The following CPED1 variants were observed in gnomAD, a reference collection of about 807,000 sequenced individuals.
The protein encoded by CPED1 is cadherin-like and PC-esterase domain-containing protein 1.
CPED1 carries 114 observed loss-of-function variants against 128.2 expected under a neutral mutation model. That is an observed-to-expected ratio of 0.89 (90% CI 0.76 to 1.04). The LOEUF is 1.04. Ranked by LOEUF, CPED1 falls within the 50% of genes least tolerant of loss-of-function variation. The pLI, the probability that CPED1 is intolerant of heterozygous loss-of-function variation, is 0.00. For missense variants in CPED1, 1,211 were observed against 1,207.1 expected (o/e 1.00, Z -0.05); for synonymous variants, 462 against 426.7 (o/e 1.08, Z -1.02).
intron 16 of CPED1, among the ~76,000 whole-genome samples, chr7:121,216,056 G>T (rs1257307192): frequency 1.3e-5 from 2 of 151,884 alleles, no homozygotes; most frequent in Non-Finnish European, 2.9e-5. Context: ...CTCAGATTTG[G>T]GCCGTGTATC....
intron 16 of CPED1, among the ~76,000 whole-genome samples, chr7:121,195,422 A>G (rs1451676878): frequency 6.6e-6 from 1 of 152,190 alleles, no homozygotes; most frequent in Admixed American, 6.5e-5. Context: ...TTACAGATAC[A>G]TCACATAATG....
chr7:121,073,421 C>T lies in CPED1; in HGVS notation c.616+9108C>T, dbSNP rs2116098729. Among the ~76,000 whole-genome samples, 4 of 152,226 alleles carry T rather than the reference C, an allele frequency of 2.6e-5. 1 individual carries two copies. In the South Asian group the frequency reaches 8.3e-4, roughly 32 times the overall value. On this transcript the variant is annotated intron_variant, in intron 5 of 22. Coordinates refer to ENST00000310396, the MANE Select transcript of CPED1 (RefSeq NM_024913.5). Reference sequence around the variant, plus strand: ...GGAAAAGGAGGCAGAGGCAGGCATACTCAGTGAAGCTTTACAAAGTATATC... The same window carrying T: ...GGAAAAGGAGGCAGAGGCAGGCATATTCAGTGAAGCTTTACAAAGTATATC...
intron 16 of CPED1, among the ~76,000 whole-genome samples, chr7:121,202,458 A>G (rs1359927340): frequency 2.0e-5 from 3 of 152,158 alleles, no homozygotes; most frequent in Non-Finnish European, 2.9e-5. Flanking sequence ...AGCCATGGGC[A>G]TCTTTTGGAG....
chr7:121,064,764 A>G (rs748252338), intron 5 of CPED1, among the ~76,000 whole-genome samples: 10 of 152,202 alleles, frequency 6.6e-5, no homozygotes, highest in Non-Finnish European at 1.2e-4. Flanking sequence ...CTGAATGAAT[A>G]AATTCTGCAT....
rs116717535 is a variant in CPED1, at chr7:121,041,972, G to C, written c.434-4915G>C. On this transcript the variant is annotated intron_variant, in intron 3 of 22. Coordinates refer to ENST00000310396, the MANE Select transcript of CPED1 (RefSeq NM_024913.5). ...AGCTTTGCTTCCATGTGTTTGGGAG[G>C]TGCCTGTAGGTTTTTCACATTCTGA... Among the ~76,000 whole-genome samples the C allele has an allele frequency of 4.6e-3, 699 of 152,158 alleles. 8 individuals are homozygous for C. The highest frequency in any genetic ancestry group is 0.016 in the African/African-American group (673 of 41,520).
chr7:121,009,112 T>C (rs927780758), intron 2 of CPED1, among the ~76,000 whole-genome samples: 2 of 152,160 alleles, frequency 1.3e-5, no homozygotes, highest in Admixed American at 6.5e-5. Flanking sequence ...TGTCTGATTT[T>C]CTTGGTGGGC....
chr7:121,180,721 A>G (rs1187011103), intron 16 of CPED1, among the ~76,000 whole-genome samples: 2 of 152,068 alleles, frequency 1.3e-5, no homozygotes, highest in Non-Finnish European at 2.9e-5. Context: ...ACCCTTTATG[A>G]CAGGAACAGA....
At chr7:121,290,201 C>A (rs546246163) in intron 22 of CPED1, among the ~76,000 whole-genome samples, 4 of 152,324 alleles carry the variant, frequency 2.6e-5, no homozygotes, top group African/African-American at 9.6e-5. Context: ...CTCATCCAGT[C>A]TAACATTGAT....
intron 7 of CPED1, among the ~76,000 whole-genome samples, chr7:121,112,470 A>G (rs1369689654): frequency 5.8e-5 from 3 of 51,296 alleles, no homozygotes; most frequent in African/African-American, 2.1e-4. Flanking sequence ...CCCACAAGCC[A>G]AGGAATGCCA....
intron 21 of CPED1, among the ~76,000 whole-genome samples, chr7:121,269,801 C>T (rs972663914): frequency 2.0e-5 from 3 of 151,848 alleles, no homozygotes; most frequent in African/African-American, 7.3e-5. Flanking sequence ...TATTAGTCTG[C>T]TTTGCATTGC....
intron 16 of CPED1, among the ~76,000 whole-genome samples, chr7:121,195,375 C>G (rs1797248356): frequency 6.6e-6 from 1 of 152,180 alleles, no homozygotes. Context: ...TATATGAAAA[C>G]CCATATTGAA....
intron 4 of CPED1, among the ~76,000 whole-genome samples, chr7:121,063,399 A>AAAAAAAAC (rs386411139): frequency 1.3e-5 from 2 of 150,722 alleles, no homozygotes; most frequent in African/African-American, 2.4e-5. Context: ...AAAAAAAAAA[A>AAAAAAAAC]AAAGCAAATG....
intron 9 of CPED1, 58 bp from the exon 10 acceptor site, chr7:121,127,032 C>A: frequency 8.0e-7 from 1 of 1,252,838 alleles, no homozygotes; most frequent in Non-Finnish European, 1.1e-6. Flanking sequence ...AGAAGTAATT[C>A]CATTGTCTTA....
intron 3 of CPED1, among the ~76,000 whole-genome samples, chr7:121,045,459 A>T (rs564860876): frequency 1.3e-5 from 2 of 152,348 alleles, no homozygotes; most frequent in Middle Eastern, 6.8e-3. Flanking sequence ...AAATGACTTG[A>T]TTGGTGGGGA....
At chr7:121,195,954 A>G (rs964382236) in intron 16 of CPED1, among the ~76,000 whole-genome samples, 2 of 151,582 alleles carry the variant, frequency 1.3e-5, no homozygotes, top group Non-Finnish European at 2.9e-5. Flanking sequence ...TGCCTTGACT[A>G]TAACACATAA....
At chr7:121,212,431 T>G (rs572980843) in intron 16 of CPED1, among the ~76,000 whole-genome samples, 1 of 152,084 alleles carries the variant, frequency 6.6e-6, no homozygotes, top group East Asian at 1.9e-4. Flanking sequence ...CCTGTCTCTG[T>G]TTTTTCCTCT....
chr7:121,103,059 A>G (rs975701433), intron 7 of CPED1, among the ~76,000 whole-genome samples: 2 of 152,130 alleles, frequency 1.3e-5, no homozygotes, highest in African/African-American at 4.8e-5. Flanking sequence ...TAACAGGCTA[A>G]TTTTTATGAT....
chr7:121,171,062 A>T (rs200176848), intron 16 of CPED1, among the ~76,000 whole-genome samples: 6 of 48,748 alleles, frequency 1.2e-4, no homozygotes, highest in Non-Finnish European at 2.5e-4. Flanking sequence ...ATAAATACAT[A>T]AAAAAAAAAA....
At position 121,165,717 on chromosome 7, in the gene CPED1, A is replaced by G. The variant is rs534908321; in HGVS notation, c.2055+23576A>G. On this transcript the variant is annotated intron_variant, in intron 16 of 22. Coordinates refer to ENST00000310396, the MANE Select transcript of CPED1 (RefSeq NM_024913.5). ...CCACCACTAAGTCTGAAGTTTCTAAATTGTTACTTTTCTTCTTTTTGGCAT... is the reference window on the plus strand; with the variant it reads ...CCACCACTAAGTCTGAAGTTTCTAAGTTGTTACTTTTCTTCTTTTTGGCAT... 5.9e-4 allele frequency among the ~76,000 whole-genome samples: 90 copies of G among 152,264 alleles called. No homozygotes were observed. The South Asian group carries it at 0.018, about 31-fold the overall frequency.
Sources: allele counts gnomAD v4.1 joint callset (sites outside exome capture counted in the v4.1 genomes callset), GRCh38; gene constraint gnomAD v4.1.1; transcripts MANE v1.5; gene names NCBI Gene and HGNC (gene_info 2026-07-23, HGNC 2026-07-21).